The following XKR6 variants were observed in gnomAD, a reference collection of about 807,000 sequenced individuals.
The protein encoded by XKR6 is XK-related protein 6.
In XKR6, 22 loss-of-function variants were observed where a neutral mutation model predicts 56.7. That is an observed-to-expected ratio of 0.39 (90% CI 0.28 to 0.55). XKR6 has a LOEUF of 0.55. Ranked by LOEUF, XKR6 falls within the 20% of genes least tolerant of loss-of-function variation. The pLI, the probability that XKR6 is intolerant of heterozygous loss-of-function variation, is 0.66. For synonymous variants in XKR6, 524 were observed against 387.8 expected, an observed-to-expected ratio of 1.35 and a Z score of -4.13; for missense variants, 852 against 889.0, an observed-to-expected ratio of 0.96 and a Z score of 0.53.
At chr8:11,172,103 G>C (rs945712633) in intron 1 of XKR6, among the ~76,000 whole-genome samples, 5 of 151,928 alleles carry the variant, frequency 3.3e-5, no homozygotes, top group Non-Finnish European at 7.4e-5. Context: ...AGATACAGTG[G>C]CTCAGACCTA....
At chr8:11,139,836 A>C (rs1409059874) in intron 1 of XKR6, among the ~76,000 whole-genome samples, 1 of 152,208 alleles carries the variant, frequency 6.6e-6, no homozygotes, top group African/African-American at 2.4e-5. Flanking sequence ...CAGACCCCAC[A>C]CAAACTTACT....
intron 1 of XKR6, among the ~76,000 whole-genome samples, chr8:11,030,796 C>T (rs1385600217): frequency 2.0e-5 from 3 of 152,176 alleles, no homozygotes; most frequent in Non-Finnish European, 2.9e-5. Context: ...GAAGTGAAAC[C>T]TCCCTACTCC....
chr8:11,071,311 C>A (rs1025283033), intron 1 of XKR6, among the ~76,000 whole-genome samples: 7 of 152,176 alleles, frequency 4.6e-5, no homozygotes, highest in Non-Finnish European at 7.4e-5. Flanking sequence ...ATGATCTCGG[C>A]TCACTGCAAC....
At chr8:10,983,773 A>G (rs960998147) in intron 1 of XKR6, among the ~76,000 whole-genome samples, 2 of 151,760 alleles carry the variant, frequency 1.3e-5, no homozygotes, top group Non-Finnish European at 2.9e-5. Context: ...CTCCTGTGTC[A>G]GCCTCCCAAG....
chr8:11,063,894 T>A (rs1238057974), intron 1 of XKR6, among the ~76,000 whole-genome samples: 1 of 152,142 alleles, frequency 6.6e-6, no homozygotes, highest in African/African-American at 2.4e-5. Flanking sequence ...CCAGAATGCA[T>A]CTCTTTCTCT....
At chr8:10,977,294 C>T (rs1802595397) in intron 1 of XKR6, among the ~76,000 whole-genome samples, 1 of 152,210 alleles carries the variant, frequency 6.6e-6, no homozygotes, top group African/African-American at 2.4e-5. Flanking sequence ...GAACCCATGC[C>T]TCAAGGGTCC....
chr8:11,198,489 T>C (rs1174064426), intron 1 of XKR6, among the ~76,000 whole-genome samples: 13 of 150,602 alleles, frequency 8.6e-5, no homozygotes, highest in Non-Finnish European at 3.0e-5. Context: ...AGGCACTTTA[T>C]ATCAATGCAG....
intron 1 of XKR6, among the ~76,000 whole-genome samples, chr8:10,975,300 G>C (rs113262213): frequency 3.3e-5 from 5 of 152,322 alleles, no homozygotes; most frequent in African/African-American, 9.6e-5. Context: ...AGGAGGCTTC[G>C]AGCGACTTCT....
chr8:11,135,373 C>G (rs4840548), intron 1 of XKR6, among the ~76,000 whole-genome samples: 4 of 152,042 alleles, frequency 2.6e-5, no homozygotes, highest in African/African-American at 9.6e-5. Flanking sequence ...TGAGTTTCTG[C>G]CACCCTGTAA....
At chr8:11,146,270 T>A (rs1395930350) in intron 1 of XKR6, among the ~76,000 whole-genome samples, 1 of 152,038 alleles carries the variant, frequency 6.6e-6, no homozygotes, top group Non-Finnish European at 1.5e-5. Context: ...TAGGAGAAAA[T>A]CTTTGTGCCC....
chr8:11,108,946 T>C (rs1050782536), intron 1 of XKR6: 1 of 152,328 alleles, frequency 6.6e-6, no homozygotes, highest in African/African-American at 2.4e-5. Flanking sequence ...AAAAGAACCA[T>C]TGTTTCGGGC....
intron 1 of XKR6, among the ~76,000 whole-genome samples, chr8:10,983,391 T>C (rs889415741): frequency 7.9e-5 from 12 of 152,106 alleles, no homozygotes; most frequent in African/African-American, 2.7e-4. Context: ...ATTTGCTCCA[T>C]TCTGTAAAGA....
chr8:11,125,788 C>T (rs1437525426), intron 1 of XKR6: 2 of 152,210 alleles, frequency 1.3e-5, no homozygotes, highest in South Asian at 2.1e-4. Context: ...TCTGTACCTA[C>T]ATCACTCTTC....
At chr8:11,036,918 T>G (rs1263309291) in intron 1 of XKR6, among the ~76,000 whole-genome samples, 1 of 152,218 alleles carries the variant, frequency 6.6e-6, no homozygotes, top group Non-Finnish European at 1.5e-5. Flanking sequence ...CACACTGGCT[T>G]GAGCTAGAAC....
At chr8:11,008,005 G>T (rs1176241782) in intron 1 of XKR6, among the ~76,000 whole-genome samples, 1 of 152,166 alleles carries the variant, frequency 6.6e-6, no homozygotes, top group Non-Finnish European at 1.5e-5. Context: ...CCCTGGGAGA[G>T]AAGACAGGGA....
intron 1 of XKR6, among the ~76,000 whole-genome samples, chr8:10,999,582 A>G (rs1211686732): frequency 1.3e-5 from 2 of 152,220 alleles, no homozygotes; most frequent in African/African-American, 4.8e-5. Context: ...GGTCAATGCT[A>G]TGGTGAAGGG....
intron 1 of XKR6, among the ~76,000 whole-genome samples, chr8:11,043,164 ATTAAC>A (rs1351623327): frequency 6.6e-6 from 1 of 152,178 alleles, no homozygotes; most frequent in African/African-American, 2.4e-5. Flanking sequence ...AATATAAAAT[ATTAAC>A]TTAATTATCA....
chr8:11,034,362 A>G (rs1799084631), intron 1 of XKR6, among the ~76,000 whole-genome samples: 3 of 152,212 alleles, frequency 2.0e-5, no homozygotes, highest in Admixed American at 1.3e-4. Context: ...CCACAGGCCG[A>G]GAGAGCATCA....
chr8:11,178,993 C>G (rs537276592), intron 1 of XKR6, among the ~76,000 whole-genome samples: 1 of 150,356 alleles, frequency 6.7e-6, no homozygotes, highest in Non-Finnish European at 1.5e-5. Context: ...CAGGCATACA[C>G]GACCACACCT....
Sources: gnomAD v4.1 joint callset for allele counts (sites outside exome capture counted in the v4.1 genomes callset) on GRCh38, gnomAD v4.1.1 for gene constraint, MANE v1.5 for transcripts, NCBI Gene and HGNC (gene_info 2026-07-23, HGNC 2026-07-21) for gene names.